TBC1D14: variants seen among roughly 807,000 people sequenced by gnomAD.
TBC1D14 encodes the protein TBC1 domain family, member 14.
A neutral mutation model predicts 79.0 loss-of-function variants in TBC1D14; 26 were observed. That is an observed-to-expected ratio of 0.33 (90% CI 0.24 to 0.46). TBC1D14 has a LOEUF of 0.46. Among genes scored for constraint, TBC1D14 ranks in the 20% least tolerant of loss-of-function variants. TBC1D14 has a pLI of 1.00. For synonymous variants in TBC1D14, 394 were observed against 349.9 expected, an observed-to-expected ratio of 1.13 and a Z score of -1.40; for missense variants, 769 against 887.6, an observed-to-expected ratio of 0.87 and a Z score of 1.70.
At chr4:6,946,126 C>T (rs1008552839) in intron 2 of TBC1D14, among the ~76,000 whole-genome samples, 11 of 152,098 alleles carry the variant, frequency 7.2e-5, no homozygotes, top group African/African-American at 2.7e-4. Flanking sequence ...TCAAGACAAG[C>T]CCCGTGAGGA....
At chr4:6,912,977 T>C (rs1231382476) in intron 1 of TBC1D14, among the ~76,000 whole-genome samples, 1 of 152,216 alleles carries the variant, frequency 6.6e-6, no homozygotes, top group African/African-American at 2.4e-5. Context: ...GTTTTGTTTT[T>C]TGTTTTGTTC....
chr4:7,020,794 A>C (rs1577185188), intron 12 of TBC1D14, among the ~76,000 whole-genome samples: 1 of 152,130 alleles, frequency 6.6e-6, no homozygotes, highest in African/African-American at 2.4e-5. Context: ...TCCGCCTCCC[A>C]GGCTCATGCA....
chr4:6,927,027 G>A (rs1169082347), intron 2 of TBC1D14, among the ~76,000 whole-genome samples: 3 of 152,228 alleles, frequency 2.0e-5, no homozygotes, highest in African/African-American at 7.2e-5. Flanking sequence ...AGGGAAGGGT[G>A]GAGACGGGCA....
chr4:6,955,112 C>T (rs1007553117), intron 2 of TBC1D14, among the ~76,000 whole-genome samples: 2 of 152,280 alleles, frequency 1.3e-5, no homozygotes, highest in South Asian at 4.1e-4. Context: ...GAGGTTTGCT[C>T]TGAAGGAGGC....
At chr4:6,952,239 G>A (rs1026673141) in intron 2 of TBC1D14, among the ~76,000 whole-genome samples, 6 of 152,212 alleles carry the variant, frequency 3.9e-5, no homozygotes, top group Non-Finnish European at 7.3e-5. Flanking sequence ...AGAGATTGCT[G>A]GATCCCACCC....
chr4:6,910,772 T>G (rs1722921412), intron 1 of TBC1D14, among the ~76,000 whole-genome samples: 1 of 152,118 alleles, frequency 6.6e-6, no homozygotes, highest in South Asian at 2.1e-4. Context: ...CGTGAAGTCG[T>G]TTCTGTCCTA....
In TBC1D14 at chr4:6,924,032, C is replaced by G; in HGVS notation, c.643C>G (p.His215Asp). 1 of 1,614,148 alleles carries G rather than the reference C, an allele frequency of 6.2e-7. No individual in the cohort carries two copies. Among genetic ancestry groups the G allele is most frequent in the Non-Finnish European group, 8.5e-7 (1 of 1,180,040 alleles). Residue 215 changes from histidine (H) to aspartate (D), a missense_variant, in exon 2 of 14, where the codon CAC becomes GAC. His to Asp is a moderately conservative substitution (Grantham distance 81). This residue lies in a region of TBC1D14 where 402 missense variants were observed against 393.2 expected (regional missense o/e 1.02). Coordinates refer to ENST00000409757, the MANE Select transcript of TBC1D14 (RefSeq NM_020773.3). ...CTCTATCAAGGAAACCCGTGGCTTA[C>G]ACCAGCAGGACTGTGTTCATGAAGC... ...LSSIKETRGLHQQDCVHEAEE... is the reference protein window; with the variant it reads ...LSSIKETRGLDQQDCVHEAEE...
At chr4:6,949,835 A>G (rs913418533) in intron 2 of TBC1D14, among the ~76,000 whole-genome samples, 1 of 151,380 alleles carries the variant, frequency 6.6e-6, no homozygotes, top group Non-Finnish European at 1.5e-5. Context: ...GGATGGTTTT[A>G]CAAATGTCAA....
At chr4:6,954,381 G>A (rs1410402733) in intron 2 of TBC1D14, 1 of 717,500 alleles carries the variant, frequency 1.4e-6, no homozygotes, top group Non-Finnish European at 2.6e-6. Context: ...TGGAACTGGA[G>A]ACTTAACTGG....
In TBC1D14 at chr4:6,993,996, C is replaced by T. The variant is rs141893289; in HGVS notation, c.844-188C>T. Reference sequence around the variant, plus strand: ...TTGCACTCCAGCCTGGGCGACAGAGCGAGACTCCATCTCCAGAAAGACCCC... The same window carrying T: ...TTGCACTCCAGCCTGGGCGACAGAGTGAGACTCCATCTCCAGAAAGACCCC... On this transcript the variant is annotated intron_variant, in intron 3 of 13. Coordinates refer to ENST00000409757, the MANE Select transcript of TBC1D14 (RefSeq NM_020773.3). Among the ~76,000 whole-genome samples the T allele has an allele frequency of 3.9e-3, 590 of 152,242 alleles. 2 individuals carry two copies. The highest frequency in any genetic ancestry group is 6.1e-3 in the Admixed American group (94 of 15,302).
chr4:6,918,473 G>T (rs1394960194), intron 1 of TBC1D14, among the ~76,000 whole-genome samples: 1 of 152,364 alleles, frequency 6.6e-6, no homozygotes, highest in South Asian at 2.1e-4. Context: ...CTGTGTGTCA[G>T]TCAGGGGCTG....
Position 7,014,546 on chromosome 4 carries a change from C to T in TBC1D14, c.1746C>T (p.Tyr582=), listed in dbSNP as rs1211477939. 2 of 1,609,392 alleles carry T rather than the reference C, an allele frequency of 1.2e-6. No individual in the cohort carries two copies. Among genetic ancestry groups the T allele is most frequent in the Non-Finnish European group, 1.7e-6 (2 of 1,175,910 alleles). Reference sequence around the variant, plus strand: ...AGAACAACCTAACTCCAGATATCTACCTAATTGATTGGTAAGACTGGCTTT... The same window carrying T: ...AGAACAACCTAACTCCAGATATCTATCTAATTGATTGGTAAGACTGGCTTT... ...FKKNNLTPDI[Y]LIDWIFTLYS... Residue 582 remains tyrosine (Y), a synonymous_variant, in exon 12 of 14, where the codon TAC becomes TAT. Transcript: ENST00000409757.
intron 2 of TBC1D14, among the ~76,000 whole-genome samples, chr4:6,944,795 TG>T (rs1466061507): frequency 6.6e-6 from 1 of 152,234 alleles, no homozygotes; most frequent in Non-Finnish European, 1.5e-5. Context: ...ACAGCGTCAC[TG>T]GTTCCCAGCA....
intron 3 of TBC1D14, among the ~76,000 whole-genome samples, chr4:6,982,892 CAAAAT>C (rs1577119280): frequency 1.3e-5 from 2 of 152,150 alleles, no homozygotes; most frequent in East Asian, 3.8e-4. Flanking sequence ...AGGGTACTTA[CAAAAT>C]AGCTATTAGT....
chr4:6,960,081 C>CTTTTTTTTTTT (rs10623660), intron 2 of TBC1D14, among the ~76,000 whole-genome samples: 1 of 131,314 alleles, frequency 7.6e-6, no homozygotes, highest in Non-Finnish European at 1.6e-5. Flanking sequence ...CCCTGTGCCC[C>CTTTTTTTTTTT]TTTTTTTTTT....
chr4:6,929,543 A>G (rs1471435660), intron 2 of TBC1D14, among the ~76,000 whole-genome samples: 2 of 152,138 alleles, frequency 1.3e-5, no homozygotes, highest in Admixed American at 1.3e-4. Context: ...CAGCTTGTGC[A>G]AAGTCATGGG....
At chr4:6,912,343 G>GCACTCCATCCTGGTGA in intron 1 of TBC1D14, among the ~76,000 whole-genome samples, 1 of 152,008 alleles carries the variant, frequency 6.6e-6, no homozygotes, top group South Asian at 2.1e-4. Context: ...TCTCACCACT[G>GCACTCCATCCTGGTGA]CACTCCATCC....
At chr4:6,975,228 G>C (rs1263917579) in intron 3 of TBC1D14, among the ~76,000 whole-genome samples, 3 of 151,538 alleles carry the variant, frequency 2.0e-5, no homozygotes, top group Non-Finnish European at 4.4e-5. Flanking sequence ...TTTTGTTTTT[G>C]AGATAGGGTC....
chr4:6,996,910 T>G (rs1719114044), intron 5 of TBC1D14: 1 of 152,338 alleles, frequency 6.6e-6, no homozygotes, highest in African/African-American at 2.4e-5. Flanking sequence ...TATATTTCTT[T>G]CCCTCTCTGG....
Sources: gnomAD v4.1 joint callset for allele counts (sites outside exome capture counted in the v4.1 genomes callset) on GRCh38, gnomAD v4.1.1 for gene constraint, gnomAD v4.1.1 regional missense constraint, MANE v1.5 for transcripts, NCBI Gene and HGNC (gene_info 2026-07-23, HGNC 2026-07-21) for gene names.